The following ZBTB20 variants were observed in gnomAD, a reference collection of about 807,000 sequenced individuals.
The protein encoded by ZBTB20 is zinc finger and BTB domain containing 20.
ZBTB20 carries 9 observed loss-of-function variants against 56.9 expected under a neutral mutation model. That is an observed-to-expected ratio of 0.16 (90% CI 0.10 to 0.28). ZBTB20 has a LOEUF of 0.28. Among genes scored for constraint, ZBTB20 ranks in the 10% least tolerant of loss-of-function variants. ZBTB20 has a pLI of 1.00. For missense variants in ZBTB20, 655 were observed against 1,003.0 expected, an observed-to-expected ratio of 0.65 and a Z score of 4.69; for synonymous variants, 417 against 420.7, an observed-to-expected ratio of 0.99 and a Z score of 0.11.
intron 10 of ZBTB20, among the ~76,000 whole-genome samples, chr3:114,365,321 T>C (rs2082284829): frequency 1.3e-5 from 2 of 152,206 alleles, no homozygotes; most frequent in South Asian, 4.1e-4. Context: ...GGAATTTGTT[T>C]TCCTACACAT....
intron 2 of ZBTB20, among the ~76,000 whole-genome samples, chr3:115,067,995 C>G (rs969280209): frequency 6.6e-6 from 1 of 152,048 alleles, no homozygotes; most frequent in Non-Finnish European, 1.5e-5. Context: ...GAACACAGCA[C>G]TTCAAACATA....
intron 7 of ZBTB20, among the ~76,000 whole-genome samples, chr3:114,448,041 A>G (rs1025012704): frequency 6.6e-6 from 1 of 152,176 alleles, no homozygotes; most frequent in Non-Finnish European, 1.5e-5. Context: ...AAAGCTACAG[A>G]AAGAAAATCT....
At chr3:114,809,417 T>C (rs1422466183) in intron 4 of ZBTB20, among the ~76,000 whole-genome samples, 1 of 152,144 alleles carries the variant, frequency 6.6e-6, no homozygotes, top group African/African-American at 2.4e-5. Context: ...TTCAATCTCA[T>C]TGTGTCTTTA....
At position 114,322,659 on chromosome 3, in the gene ZBTB20, T is replaced by C. The variant is rs2078935145; in HGVS notation, c.*16346A>G. On this transcript the variant is annotated 3_prime_UTR_variant, in exon 12 of 12. Coordinates refer to ENST00000675478, the MANE Select transcript of ZBTB20 (RefSeq NM_001348800.3). Reference sequence around the variant, plus strand: ...CAATGTCCTCTTAGTGATTACCCAATACTTATTTCTAAGTACCTGTTAAAA... The same window carrying C: ...CAATGTCCTCTTAGTGATTACCCAACACTTATTTCTAAGTACCTGTTAAAA... 6.6e-6 allele frequency: 1 copy of C among 152,238 alleles called. No individual in the cohort carries two copies. 9.4% of individuals were successfully genotyped at this position (152,238 alleles called of 1,614,324 possible).
At position 114,754,937 on chromosome 3, in the gene ZBTB20, T is replaced by A. The variant is rs189259684; in HGVS notation, c.-343+46164A>T. ...GAGAAATCCTACTATTTTACACTCA[T>A]ATACTAGAAATGTTTAAAGTCACAA... On this transcript the variant is annotated intron_variant, in intron 5 of 11. Coordinates refer to ENST00000675478, the MANE Select transcript of ZBTB20 (RefSeq NM_001348800.3). Among the ~76,000 whole-genome samples, 59 of 152,312 alleles carry A rather than the reference T, an allele frequency of 3.9e-4. 1 individual carries two copies. The highest frequency in any genetic ancestry group is 3.4e-3 in the Admixed American group (52 of 15,294).
chr3:114,525,241 T>C (rs913980652), intron 6 of ZBTB20, among the ~76,000 whole-genome samples: 1 of 152,198 alleles, frequency 6.6e-6, no homozygotes, highest in Non-Finnish European at 1.5e-5. Flanking sequence ...GCCTGGAACA[T>C]AATATGCCCT....
intron 5 of ZBTB20, among the ~76,000 whole-genome samples, chr3:114,770,165 G>T (rs1181081661): frequency 6.6e-6 from 1 of 151,916 alleles, no homozygotes; most frequent in East Asian, 2.0e-4. Flanking sequence ...CTGCTTGGGT[G>T]ATGGGTACAC....
chr3:114,971,027 G>A (rs1307369835), intron 3 of ZBTB20, among the ~76,000 whole-genome samples: 1 of 150,468 alleles, frequency 6.6e-6, no homozygotes, highest in Non-Finnish European at 1.5e-5. Flanking sequence ...AAAAAAAAAA[G>A]ATAATGCAAT....
intron 2 of ZBTB20, among the ~76,000 whole-genome samples, chr3:115,022,458 A>G (rs1482706858): frequency 6.6e-6 from 1 of 151,054 alleles, no homozygotes. Flanking sequence ...ATCATTTTGA[A>G]TATTTTCACT....
chr3:115,051,493 C>A (rs1233911876), intron 2 of ZBTB20, among the ~76,000 whole-genome samples: 1 of 151,926 alleles, frequency 6.6e-6, no homozygotes, highest in Non-Finnish European at 1.5e-5. Context: ...TTAAGAGGTT[C>A]TTTTTTAAAT....
At chr3:115,027,623 A>C (rs1371211479) in intron 2 of ZBTB20, 1 of 151,002 alleles carries the variant, frequency 6.6e-6, no homozygotes, top group African/African-American at 2.4e-5. Flanking sequence ...TATTCTGTAA[A>C]TAATTACCCA....
At chr3:114,421,401 A>G (rs932679593) in intron 7 of ZBTB20, among the ~76,000 whole-genome samples, 1 of 152,184 alleles carries the variant, frequency 6.6e-6, no homozygotes, top group African/African-American at 2.4e-5. Flanking sequence ...CCTAAACTCT[A>G]ATGGACAATA....
intron 3 of ZBTB20, among the ~76,000 whole-genome samples, chr3:114,955,400 G>A (rs562517418): frequency 6.6e-6 from 1 of 152,270 alleles, no homozygotes; most frequent in African/African-American, 2.4e-5. Flanking sequence ...TCTCCACATT[G>A]TTTGCATCAT....
chr3:114,875,772 A>C (rs1253793783), intron 4 of ZBTB20, among the ~76,000 whole-genome samples: 1 of 152,144 alleles, frequency 6.6e-6, no homozygotes, highest in African/African-American at 2.4e-5. Context: ...AATTAAAATA[A>C]TAACACCAGT....
intron 5 of ZBTB20, among the ~76,000 whole-genome samples, chr3:114,694,879 C>T (rs554291650): frequency 2.0e-5 from 3 of 152,114 alleles, no homozygotes; most frequent in South Asian, 2.1e-4. Flanking sequence ...GATAAAAAGG[C>T]CTTTCTCATA....
chr3:114,500,780 A>C (rs2043855485), intron 6 of ZBTB20, among the ~76,000 whole-genome samples: 1 of 152,230 alleles, frequency 6.6e-6, no homozygotes, highest in African/African-American at 2.4e-5. Flanking sequence ...ATAAAAAGCT[A>C]AACATTTAGT....
intron 6 of ZBTB20, among the ~76,000 whole-genome samples, chr3:114,674,508 G>A (rs562238611): frequency 6.6e-6 from 1 of 152,238 alleles, no homozygotes; most frequent in Non-Finnish European, 1.5e-5. Context: ...GTGGTACCTT[G>A]CTCTATTTTT....
intron 2 of ZBTB20, among the ~76,000 whole-genome samples, chr3:114,995,694 G>A (rs953150492): frequency 1.3e-5 from 2 of 151,718 alleles, no homozygotes; most frequent in East Asian, 3.9e-4. Flanking sequence ...TAGTATGATA[G>A]AACATAACAT....
chr3:114,450,817 A>G (rs1051365575), intron 7 of ZBTB20, among the ~76,000 whole-genome samples: 1 of 152,178 alleles, frequency 6.6e-6, no homozygotes, highest in African/African-American at 2.4e-5. Context: ...CAGTAATAAC[A>G]TCGGCACAAT....
Sources: allele counts gnomAD v4.1 joint callset (sites outside exome capture counted in the v4.1 genomes callset), GRCh38; gene constraint gnomAD v4.1.1; transcripts MANE v1.5; gene names NCBI Gene and HGNC (gene_info 2026-07-23, HGNC 2026-07-21).